The following ZBTB20 variants were observed in gnomAD, a reference collection of about 807,000 sequenced individuals.
The protein encoded by ZBTB20 is zinc finger and BTB domain containing 20.
A neutral mutation model predicts 56.9 loss-of-function variants in ZBTB20; 9 were observed. That is an observed-to-expected ratio of 0.16 (90% CI 0.10 to 0.28). The LOEUF is 0.28. ZBTB20 is among the 10% of genes least tolerant of loss of function. The pLI is 1.00. For synonymous variants in ZBTB20, 417 were observed against 420.7 expected (o/e 0.99, Z 0.11); for missense variants, 655 against 1,003.0 (o/e 0.65, Z 4.69).
intron 4 of ZBTB20, among the ~76,000 whole-genome samples, chr3:114,877,809 CTAA>C (rs1191407892): frequency 6.6e-6 from 1 of 152,012 alleles, no homozygotes; most frequent in East Asian, 1.9e-4. Context: ...TTTCTTCCAT[CTAA>C]TGACTCTCTT....
chr3:115,139,800 A>G (rs1199151173), intron 1 of ZBTB20, among the ~76,000 whole-genome samples: 1 of 152,074 alleles, frequency 6.6e-6, no homozygotes, highest in Non-Finnish European at 1.5e-5. Flanking sequence ...CAAGTTTACA[A>G]ATTCTATTAG....
intron 2 of ZBTB20, among the ~76,000 whole-genome samples, chr3:115,011,686 T>A (rs1033055711): frequency 6.6e-6 from 1 of 151,764 alleles, no homozygotes; most frequent in African/African-American, 2.4e-5. Context: ...TAAAAAAGGA[T>A]GTTAATGAGC....
intron 1 of ZBTB20, among the ~76,000 whole-genome samples, chr3:115,120,584 C>G (rs1455760584): frequency 6.6e-6 from 1 of 152,046 alleles, no homozygotes; most frequent in East Asian, 1.9e-4. Context: ...TGCAGAATGT[C>G]AATTGCCTTA....
chr3:114,513,110 T>C (rs2045592119), intron 6 of ZBTB20, among the ~76,000 whole-genome samples: 1 of 152,222 alleles, frequency 6.6e-6, no homozygotes, highest in South Asian at 2.1e-4. Context: ...AACTTGTTTT[T>C]CCTCCTCATA....
At chr3:114,597,363 A>G (rs1289893622) in intron 6 of ZBTB20, among the ~76,000 whole-genome samples, 1 of 152,198 alleles carries the variant, frequency 6.6e-6, no homozygotes, top group Non-Finnish European at 1.5e-5. Flanking sequence ...TATAACTAGA[A>G]CGACCAAGTA....
intron 6 of ZBTB20, among the ~76,000 whole-genome samples, chr3:114,512,774 C>G (rs945305020): frequency 1.3e-5 from 2 of 151,846 alleles, no homozygotes; most frequent in African/African-American, 4.8e-5. Flanking sequence ...TTTTTCCTTT[C>G]TTTTTTGAAA....
At chr3:115,113,387 A>G (rs1488246718) in intron 1 of ZBTB20, among the ~76,000 whole-genome samples, 1 of 152,246 alleles carries the variant, frequency 6.6e-6, no homozygotes, top group Non-Finnish European at 1.5e-5. Context: ...GTTAAAAACT[A>G]CAATTCTTAG....
chr3:114,636,970 A>G (rs1045820301), intron 6 of ZBTB20, among the ~76,000 whole-genome samples: 49 of 152,034 alleles, frequency 3.2e-4, no homozygotes, highest in African/African-American at 1.1e-3. Context: ...ACAAACATAG[A>G]CTCAAAGTAA....
intron 5 of ZBTB20, among the ~76,000 whole-genome samples, chr3:114,780,178 C>A (rs1038805567): frequency 1.3e-5 from 2 of 152,126 alleles, no homozygotes; most frequent in African/African-American, 4.8e-5. Context: ...CTCCATCAAA[C>A]ATGTAGATCA....
chr3:114,466,644 T>C lies in ZBTB20; in HGVS notation c.-255+33708A>G, dbSNP rs188360967. On this transcript the variant is annotated intron_variant, in intron 7 of 11. Coordinates refer to ENST00000675478, the MANE Select transcript of ZBTB20 (RefSeq NM_001348800.3). ...GGCCTGGAAAATGGAAGAGATAGTT[T>C]GGGCAGGTGGATGTTTTGGGTCTCC... Among the ~76,000 whole-genome samples, 6 of 152,348 alleles carry C rather than the reference T, an allele frequency of 3.9e-5. No individual in the cohort carries two copies. The East Asian group carries it at 1.2e-3, about 29-fold the overall frequency.
chr3:114,647,171 G>C (rs1327285073), intron 6 of ZBTB20, among the ~76,000 whole-genome samples: 1 of 152,082 alleles, frequency 6.6e-6, no homozygotes, highest in East Asian at 1.9e-4. Flanking sequence ...TGTTAACCAG[G>C]ATGGTCTCGA....
intron 2 of ZBTB20, among the ~76,000 whole-genome samples, chr3:115,066,798 G>A (rs1209683379): frequency 6.6e-6 from 1 of 151,956 alleles, no homozygotes; most frequent in Non-Finnish European, 1.5e-5. Flanking sequence ...ATTCACACTG[G>A]ATTTTCAACA....
chr3:114,705,939 GTTATAA>G (rs2063693675), intron 5 of ZBTB20, among the ~76,000 whole-genome samples: 1 of 152,108 alleles, frequency 6.6e-6, no homozygotes, highest in Non-Finnish European at 1.5e-5. Context: ...TTAAATCCTA[GTTATAA>G]AAACAACTTT....
chr3:114,616,146 C>T (rs916737041), intron 6 of ZBTB20, among the ~76,000 whole-genome samples: 2 of 152,206 alleles, frequency 1.3e-5, no homozygotes, highest in African/African-American at 4.8e-5. Flanking sequence ...ACTGGGCACT[C>T]CAGTACTTCA....
intron 6 of ZBTB20, among the ~76,000 whole-genome samples, chr3:114,576,877 G>C (rs1041846343): frequency 6.6e-6 from 1 of 151,698 alleles, no homozygotes; most frequent in Non-Finnish European, 1.5e-5. Context: ...TTATGAGATA[G>C]TACTAGATAT....
chr3:114,787,368 T>TATATATATATATACACATAC (rs1433434685), intron 5 of ZBTB20, among the ~76,000 whole-genome samples: 4 of 106,310 alleles, frequency 3.8e-5, no homozygotes, highest in African/African-American at 9.1e-5. Flanking sequence ...TATATATATA[T>TATATATATATATACACATAC]ACACACACAC....
In ZBTB20 at chr3:114,320,113, T is replaced by G. The variant is rs2078841774; in HGVS notation, c.*18892A>C. ...CCTTTTATATTTTCAGCATTGTAGT[T>G]TAAACTATGTATTTTTCTTACTTGA... is the stretch of plus-strand genomic sequence containing the variant. On this transcript the variant is annotated 3_prime_UTR_variant, in exon 12 of 12. Transcript: ENST00000675478. The G allele has an allele frequency of 6.6e-6, 1 of 152,178 alleles. No individual in the cohort carries two copies. Among genetic ancestry groups the G allele is most frequent in the African/African-American group, 2.4e-5 (1 of 41,450 alleles). The allele number at this position is 152,178 out of a possible 1,614,324, so 9.4% of individuals were successfully genotyped here. A position where few individuals can be genotyped will look rare whatever the true frequency, so the allele number is the denominator to read the frequency against.
At chr3:114,361,582 C>T (rs1008337750) in intron 10 of ZBTB20, among the ~76,000 whole-genome samples, 1 of 152,170 alleles carries the variant, frequency 6.6e-6, no homozygotes, top group African/African-American at 2.4e-5. Flanking sequence ...GCCCATTAAG[C>T]CCTAAAGAAT....
chr3:114,382,947 T>C (rs1278001403), intron 8 of ZBTB20, among the ~76,000 whole-genome samples: 2 of 152,260 alleles, frequency 1.3e-5, no homozygotes, highest in South Asian at 4.1e-4. Context: ...CAGAGTTTAC[T>C]GCCTTGTCTA....
Sources: gnomAD v4.1 joint callset for allele counts (sites outside exome capture counted in the v4.1 genomes callset) on GRCh38, gnomAD v4.1.1 for gene constraint, MANE v1.5 for transcripts, NCBI Gene and HGNC (gene_info 2026-07-23, HGNC 2026-07-21) for gene names.